The following BMP6 variants were observed in gnomAD, a reference collection of about 807,000 sequenced individuals.
BMP6 encodes VG-1-R.
A neutral mutation model predicts 54.1 loss-of-function variants in BMP6; 17 were observed. That is an observed-to-expected ratio of 0.31 (90% CI 0.22 to 0.47). BMP6 has a LOEUF of 0.47. Ranked by LOEUF, BMP6 falls within the 20% of genes least tolerant of loss-of-function variation. The pLI is 1.00. For missense variants in BMP6, 720 were observed against 690.4 expected (o/e 1.04, Z -0.48); for synonymous variants, 328 against 291.2 (o/e 1.13, Z -1.28).
At chr6:7,785,205 A>C (rs975321503) in intron 1 of BMP6, among the ~76,000 whole-genome samples, 1 of 152,272 alleles carries the variant, frequency 6.6e-6, no homozygotes, top group African/African-American at 2.4e-5. Context: ...CACTAGTGTC[A>C]TAAGAAGCAA....
intron 1 of BMP6, among the ~76,000 whole-genome samples, chr6:7,816,865 T>C (rs1758536104): frequency 6.6e-6 from 1 of 152,200 alleles, no homozygotes; most frequent in African/African-American, 2.4e-5. Context: ...GCAGAAGTTA[T>C]TACTCTACTG....
intron 1 of BMP6, among the ~76,000 whole-genome samples, chr6:7,758,795 C>T (rs184729841): frequency 6.6e-6 from 1 of 152,194 alleles, no homozygotes; most frequent in Admixed American, 6.5e-5. Flanking sequence ...ACCCTCTCTC[C>T]ACCCCCTTCC....
chr6:7,867,833 T>G (rs1033598616), intron 4 of BMP6, among the ~76,000 whole-genome samples: 4 of 152,244 alleles, frequency 2.6e-5, no homozygotes, highest in Non-Finnish European at 1.5e-5. Flanking sequence ...TGCACAACTC[T>G]TGTTCGAGGA....
At chr6:7,839,217 C>T (rs1376448705) in intron 1 of BMP6, among the ~76,000 whole-genome samples, 4 of 152,244 alleles carry the variant, frequency 2.6e-5, no homozygotes, top group South Asian at 2.1e-4. Context: ...CAGGCTGGAG[C>T]GCAGTGGTGT....
rs562484903 is a variant in BMP6 at position 7,816,813 on chromosome 6, A to C, written c.665-28327A>C. 5.9e-5 allele frequency among the ~76,000 whole-genome samples: 9 copies of C among 152,284 alleles called. No individual in the cohort carries two copies. In the South Asian group the frequency reaches 1.7e-3, roughly 28 times the overall value. On this transcript the variant is annotated intron_variant, in intron 1 of 6. Transcript: ENST00000283147. ...GGATAATATATTAGATTAAAAAAAA[A>C]CACTATGACATTAGGGGAAAATAGT...
chr6:7,760,116 G>T (rs1341049373), intron 1 of BMP6, among the ~76,000 whole-genome samples: 1 of 147,192 alleles, frequency 6.8e-6, no homozygotes, highest in Non-Finnish European at 1.5e-5. Context: ...ACCCAGGCTG[G>T]AGTACAGCGA....
chr6:7,816,201 T>TTC (rs1758523709), intron 1 of BMP6, among the ~76,000 whole-genome samples: 1 of 152,212 alleles, frequency 6.6e-6, no homozygotes, highest in East Asian at 1.9e-4. Flanking sequence ...TGAGTATGTA[T>TTC]TCTGACAAAT....
chr6:7,781,406 C>T lies in BMP6; in HGVS notation c.664+53787C>T, dbSNP rs1305210431. 2.8e-5 allele frequency among the ~76,000 whole-genome samples: 4 copies of T among 143,198 alleles called. 1 individual carries two copies. Among genetic ancestry groups the T allele is most frequent in the African/African-American group, 4.9e-5 (2 of 40,640 alleles). 93.9% of individuals were successfully genotyped at this position (143,198 alleles called of 152,430 possible). On this transcript the variant is annotated intron_variant, in intron 1 of 6. Coordinates refer to ENST00000283147, the MANE Select transcript of BMP6 (RefSeq NM_001718.6). Reference sequence around the variant, plus strand: ...GATGTGGGCTGAGGCTTAGTGAGCTCGTCTATTTTTGCTGTGTTTGTACAG... The same window carrying T: ...GATGTGGGCTGAGGCTTAGTGAGCTTGTCTATTTTTGCTGTGTTTGTACAG...
intron 1 of BMP6, among the ~76,000 whole-genome samples, chr6:7,829,753 C>T (rs1758764755): frequency 6.6e-6 from 1 of 152,086 alleles, no homozygotes; most frequent in Non-Finnish European, 1.5e-5. Context: ...TGGGCGTCTG[C>T]AGAGCATTTT....
chr6:7,854,058 T>A (rs576179318), intron 2 of BMP6, among the ~76,000 whole-genome samples: 52 of 152,280 alleles, frequency 3.4e-4, no homozygotes, highest in African/African-American at 1.2e-3. Context: ...GCTAAAACAT[T>A]TTATGCTGGC....
chr6:7,819,829 A>AT (rs546908152), intron 1 of BMP6, among the ~76,000 whole-genome samples: 98 of 152,180 alleles, frequency 6.4e-4, no homozygotes, highest in African/African-American at 2.3e-3. Flanking sequence ...TTTTTGGGTT[A>AT]TTTTTTCTAG....
At chr6:7,745,383 C>G (rs1757331523) in intron 1 of BMP6, among the ~76,000 whole-genome samples, 1 of 152,170 alleles carries the variant, frequency 6.6e-6, no homozygotes, top group African/African-American at 2.4e-5. Context: ...AAGCGATCCT[C>G]CCACCCTAGC....
intron 1 of BMP6, among the ~76,000 whole-genome samples, chr6:7,791,902 C>G (rs1459142972): frequency 6.6e-6 from 1 of 152,186 alleles, no homozygotes; most frequent in Non-Finnish European, 1.5e-5. Context: ...TTGCCTCCTA[C>G]TTAAGAATCA....
At chr6:7,737,252 A>T (rs953532615) in intron 1 of BMP6, among the ~76,000 whole-genome samples, 2 of 151,876 alleles carry the variant, frequency 1.3e-5, no homozygotes, top group African/African-American at 4.8e-5. Context: ...CTTGTCTCAT[A>T]ACATCTGACT....
At chr6:7,767,400 T>C (rs1174709216) in intron 1 of BMP6, among the ~76,000 whole-genome samples, 1 of 152,192 alleles carries the variant, frequency 6.6e-6, no homozygotes, top group African/African-American at 2.4e-5. Flanking sequence ...GTTGGTCTCT[T>C]TGAGTTTCTT....
At chr6:7,796,916 T>G (rs1301572330) in intron 1 of BMP6, among the ~76,000 whole-genome samples, 1 of 152,228 alleles carries the variant, frequency 6.6e-6, no homozygotes, top group African/African-American at 2.4e-5. Flanking sequence ...TCGTTCTGTT[T>G]CCCAGGTATC....
At position 7,727,425 on chromosome 6, in the gene BMP6, G is replaced by C. The variant is rs774333412; in HGVS notation, c.470G>C (p.Arg157Thr). The C allele has an allele frequency of 3.7e-6, 6 of 1,606,744 alleles. No individual in the cohort carries two copies. The highest frequency in any genetic ancestry group is 4.5e-5 in the East Asian group (2 of 44,674). Reference sequence around the variant, plus strand: ...GAGGACGGGGCGTCGGAGGGGGAGAGGCAGCAGTCCTGGCCCCACGAAGCA... The same window carrying C: ...GAGGACGGGGCGTCGGAGGGGGAGACGCAGCAGTCCTGGCCCCACGAAGCA... ...NDEDGASEGERQQSWPHEAAS... is the reference protein window; with the variant it reads ...NDEDGASEGETQQSWPHEAAS... The change falls in exon 1 of 7, where the codon AGG (arginine) becomes ACG (threonine). Residue 157 changes from arginine to threonine, a missense_variant. Physicochemically the swap from Arg to Thr is moderately conservative, Grantham distance 71 (BLOSUM62 -1). Coordinates refer to ENST00000283147, the MANE Select transcript of BMP6 (RefSeq NM_001718.6).
chr6:7,847,987 A>G (rs1759090969), intron 2 of BMP6, among the ~76,000 whole-genome samples: 2 of 152,248 alleles, frequency 1.3e-5, no homozygotes, highest in Non-Finnish European at 2.9e-5. Context: ...TGGAATCAGC[A>G]ACCTAATAGG....
intron 1 of BMP6, among the ~76,000 whole-genome samples, chr6:7,816,064 T>G (rs933946934): frequency 4.6e-5 from 7 of 152,292 alleles, no homozygotes; most frequent in African/African-American, 1.7e-4. Context: ...TAATTTTATT[T>G]TAGAATATTT....
Sources: allele counts gnomAD v4.1 joint callset (sites outside exome capture counted in the v4.1 genomes callset), GRCh38; gene constraint gnomAD v4.1.1; transcripts MANE v1.5; gene names NCBI Gene and HGNC (gene_info 2026-07-23, HGNC 2026-07-21).